Variants in PTPRM observed in about 807,000 individuals in gnomAD.
PTPRM encodes the protein protein tyrosine phosphatase receptor type M.
A neutral mutation model predicts 186.7 loss-of-function variants in PTPRM; 47 were observed. The observed-to-expected ratio is 0.25, with a 90% confidence interval of 0.20 to 0.32. PTPRM has a LOEUF of 0.32. Ranked by LOEUF, PTPRM falls within the 10% of genes least tolerant of loss-of-function variation. The pLI, the probability that PTPRM is intolerant of heterozygous loss-of-function variation, is 1.00. For missense variants in PTPRM, 1,494 were observed against 1,865.0 expected, an observed-to-expected ratio of 0.80 and a Z score of 3.66; for synonymous variants, 668 against 674.9, an observed-to-expected ratio of 0.99 and a Z score of 0.16.
Position 8,384,808 on chromosome 18 carries a change from C to A in PTPRM, c.4044+122C>A. On this transcript the variant is annotated intron_variant, in intron 30 of 32. Coordinates refer to ENST00000580170, the MANE Select transcript of PTPRM (RefSeq NM_001105244.2). ...AGGAGTTTGGAGTATGTCAGTGAAC[C>A]AAAAAAACATAGATTCCTGACCTTA... 8 of 1,239,722 alleles carry A rather than the reference C, an allele frequency of 6.5e-6. No homozygotes were observed. The Admixed American group carries it at 6.7e-5, about 10-fold the overall frequency. 76.8% of individuals were successfully genotyped at this position (1,239,722 alleles called of 1,614,324 possible). A position where few individuals can be genotyped will look rare whatever the true frequency, so the allele number is the denominator to read the frequency against.
intron 13 of PTPRM, among the ~76,000 whole-genome samples, chr18:8,136,805 C>T (rs80352424): frequency 1.3e-5 from 2 of 151,972 alleles, no homozygotes; most frequent in African/African-American, 4.8e-5. Flanking sequence ...AAAAACTAAA[C>T]AAGACTGCAA....
intron 11 of PTPRM, among the ~76,000 whole-genome samples, chr18:8,104,098 A>G (rs2091413285): frequency 6.6e-6 from 1 of 152,194 alleles, no homozygotes. Flanking sequence ...ATAATGAAAA[A>G]GTTTGAAATG....
intron 7 of PTPRM, among the ~76,000 whole-genome samples, chr18:8,051,186 A>G (rs2087471001): frequency 6.6e-6 from 1 of 152,156 alleles, no homozygotes; most frequent in Non-Finnish European, 1.5e-5. Context: ...CCTGGTAGTA[A>G]CCATTGTACC....
At chr18:8,289,661 C>G (rs1470796892) in intron 19 of PTPRM, among the ~76,000 whole-genome samples, 2 of 141,988 alleles carry the variant, frequency 1.4e-5, no homozygotes, top group Non-Finnish European at 3.0e-5. Context: ...CGGCAAACCT[C>G]AATCCCATTA....
At chr18:7,770,952 A>G (rs1446083) in intron 1 of PTPRM, among the ~76,000 whole-genome samples, 14,868 of 152,238 alleles carry the variant, frequency 0.098, 2,189 homozygotes, top group African/African-American at 0.32. Flanking sequence ...CAGTAGTTCA[A>G]TAATCATTCA....
chr18:7,612,653 G>A (rs866440044), intron 1 of PTPRM, among the ~76,000 whole-genome samples: 7 of 152,166 alleles, frequency 4.6e-5, no homozygotes, highest in Admixed American at 3.3e-4. Context: ...GAAGCTGTAC[G>A]AAATCATTGC....
In PTPRM at chr18:7,995,810, G is replaced by A. The variant is rs965200368; in HGVS notation, c.1132+40396G>A. The A allele has an allele frequency of 2.0e-5, 3 of 152,154 alleles. No homozygotes were observed. The East Asian group carries it at 5.8e-4, about 29-fold the overall frequency. 9.4% of individuals were successfully genotyped at this position (152,154 alleles called of 1,614,324 possible). A position where few individuals can be genotyped will look rare whatever the true frequency, so the allele number is the denominator to read the frequency against. On this transcript the variant is annotated intron_variant, in intron 7 of 32. Transcript: ENST00000580170. ...TTCCCATTTTATTGTTGTGTACTAA[G>A]AACAGTGTTTTTGTTGTACATGAGG...
intron 19 of PTPRM, among the ~76,000 whole-genome samples, chr18:8,275,861 T>C (rs974322246): frequency 6.6e-6 from 1 of 152,174 alleles, no homozygotes; most frequent in South Asian, 2.1e-4. Context: ...CTGAGTCATG[T>C]TGAAACATTA....
chr18:7,743,244 A>G (rs1030151996), intron 1 of PTPRM, among the ~76,000 whole-genome samples: 2 of 152,232 alleles, frequency 1.3e-5, no homozygotes, highest in African/African-American at 2.4e-5. Flanking sequence ...AATGGGAATT[A>G]ATGCCTTTCT....
intron 31 of PTPRM, 91 bp downstream of exon 31, chr18:8,387,326 A>G (rs1206692981): frequency 9.0e-6 from 12 of 1,331,352 alleles, no homozygotes; most frequent in South Asian, 1.4e-5. Context: ...TTCACTAGAA[A>G]TGGAGAAGAA....
chr18:8,033,503 G>GGT (rs1054379166), intron 7 of PTPRM, among the ~76,000 whole-genome samples: 3 of 152,134 alleles, frequency 2.0e-5, no homozygotes, highest in Admixed American at 1.3e-4. Context: ...CAGGGTATAT[G>GGT]GTGTGGCCCA....
At chr18:7,990,572 G>A (rs1027680315) in intron 7 of PTPRM, among the ~76,000 whole-genome samples, 11 of 152,064 alleles carry the variant, frequency 7.2e-5, no homozygotes, top group Non-Finnish European at 1.5e-5. Flanking sequence ...AGCCTCAAAT[G>A]GGTTATTTTT....
intron 1 of PTPRM, among the ~76,000 whole-genome samples, chr18:7,697,208 A>C (rs1402247716): frequency 6.6e-6 from 1 of 152,182 alleles, no homozygotes; most frequent in Admixed American, 6.5e-5. Flanking sequence ...TCTTCCCAGA[A>C]CTGATTTTAG....
At chr18:7,956,077 A>G (rs570157961) in intron 7 of PTPRM, among the ~76,000 whole-genome samples, 2 of 152,184 alleles carry the variant, frequency 1.3e-5, no homozygotes, top group East Asian at 3.9e-4. Context: ...CCAATTAGAG[A>G]TTGTAGTGTT....
chr18:8,188,291 T>G (rs1361735074), intron 14 of PTPRM, among the ~76,000 whole-genome samples: 7 of 152,240 alleles, frequency 4.6e-5, no homozygotes, highest in Non-Finnish European at 8.8e-5. Flanking sequence ...GGACAAAGGA[T>G]GTACACAGCT....
chr18:7,689,598 A>G (rs1422400167), intron 1 of PTPRM, among the ~76,000 whole-genome samples: 1 of 152,252 alleles, frequency 6.6e-6, no homozygotes, highest in Non-Finnish European at 1.5e-5. Flanking sequence ...GAAAGTAACC[A>G]GAATGTTCAT....
chr18:8,060,302 TC>T (rs2088380108), intron 7 of PTPRM, among the ~76,000 whole-genome samples: 1 of 114,540 alleles, frequency 8.7e-6, no homozygotes, highest in African/African-American at 3.0e-5. Context: ...GGTGGTGATA[TC>T]CCCTTTATCA....
chr18:8,143,544 T>A (rs1220742812), intron 13 of PTPRM, 103 bp from the exon 14 acceptor site: 1 of 1,223,152 alleles, frequency 8.2e-7, no homozygotes, highest in African/African-American at 1.5e-5. Flanking sequence ...CTGGCTCTGA[T>A]AAGTCTTATT....
At chr18:8,384,750 T>C (rs2095760815) in intron 30 of PTPRM, 64 bp downstream of exon 30, 3 of 1,587,378 alleles carry the variant, frequency 1.9e-6, no homozygotes, top group Admixed American at 1.7e-5. Context: ...CACTGAATAC[T>C]TGGAGCACTC....
Sources: allele counts gnomAD v4.1 joint callset (sites outside exome capture counted in the v4.1 genomes callset), GRCh38; gene constraint gnomAD v4.1.1; transcripts MANE v1.5; gene names NCBI Gene and HGNC (gene_info 2026-07-23, HGNC 2026-07-21).